LOXL3: variants seen among roughly 807,000 people sequenced by gnomAD.
The protein encoded by LOXL3 is lysyl oxidase homolog 3.
A neutral mutation model predicts 91.8 loss-of-function variants in LOXL3; 60 were observed. That is an observed-to-expected ratio of 0.65 (90% CI 0.53 to 0.81). The LOEUF is 0.81. Among genes scored for constraint, LOXL3 ranks in the 30% least tolerant of loss-of-function variants. LOXL3 has a pLI of 0.00. For missense variants in LOXL3, 874 were observed against 1,000.4 expected (o/e 0.87, Z 1.70); for synonymous variants, 355 against 387.6 (o/e 0.92, Z 0.99).
upstream of LOXL3, chr2:74,554,788 T>C (rs2104464722): frequency 1.9e-6 from 3 of 1,614,060 alleles, no homozygotes; most frequent in Non-Finnish European, 2.5e-6. This position sits in a 1 kb window ranked among gnomAD's most constrained non-coding sequence, Gnocchi z 4.9. Context: ...GCCGCTTTTT[T>C]TGCAGAGTCA....
chr2:74,554,756 T>A, upstream of LOXL3: 11 of 1,613,492 alleles, frequency 6.8e-6, no homozygotes, highest in Non-Finnish European at 9.3e-6. The surrounding 1 kb of genome is among the most constrained non-coding windows in gnomAD (Gnocchi z 4.9). Flanking sequence ...CCGGGGGCCA[T>A]GGACGGAGCA....
At position 74,549,304 on chromosome 2, in the gene LOXL3, C is replaced by T. The variant is rs1676831723; in HGVS notation, c.692+65G>A. 6 of 1,487,338 alleles carry T rather than the reference C, an allele frequency of 4.0e-6. No individual in the cohort carries two copies. Among genetic ancestry groups the T allele is most frequent in the Non-Finnish European group, 5.4e-6 (6 of 1,113,846 alleles). The allele number at this position is 1,487,338 out of a possible 1,614,324, so 92.1% of individuals were successfully genotyped here. A position where few individuals can be genotyped will look rare whatever the true frequency, so the allele number is the denominator to read the frequency against. On this transcript the variant is annotated intron_variant, in intron 4 of 13. Transcript: ENST00000264094. This position sits in a 1 kb window ranked among gnomAD's most constrained non-coding sequence, Gnocchi z 5.3. ...GCCCCGGACCTGCTCAGATGTCTCC[C>T]AAGGCTATTCATCAGGGAGCACCCC... is the stretch of plus-strand genomic sequence containing the variant.
rs1676802025 is a variant in LOXL3, at chr2:74,549,026, C to G, written c.692+343G>C. 1 of 172,950 alleles carries G rather than the reference C, an allele frequency of 5.8e-6. No homozygotes were observed. The highest frequency in any genetic ancestry group is 1.5e-4 in the East Asian group (1 of 6,532). 10.7% of individuals were successfully genotyped at this position (172,950 alleles called of 1,614,324 possible). A position where few individuals can be genotyped will look rare whatever the true frequency, so the allele number is the denominator to read the frequency against. On this transcript the variant is annotated intron_variant, in intron 4 of 13. Transcript: ENST00000264094. The surrounding 1 kb of genome is among the most constrained non-coding windows in gnomAD (Gnocchi z 5.3). The stretch of plus-strand genomic sequence containing the variant: ...CCGCGTCCTTACTGAACTCGGAAAT[C>G]GCTGGCCGGCAGCGCCAGCGCTGGA...
At chr2:74,546,586 T>A (rs192036168) in intron 4 of LOXL3, among the ~76,000 whole-genome samples, 2 of 152,204 alleles carry the variant, frequency 1.3e-5, no homozygotes, top group Non-Finnish European at 2.9e-5. Flanking sequence ...TGATCCCTCT[T>A]CCTAGAAATG....
intron 13 of LOXL3, 51 bp from the exon 14 acceptor site, chr2:74,533,730 A>G: frequency 7.1e-6 from 11 of 1,559,304 alleles, no homozygotes; most frequent in South Asian, 2.2e-5. Context: ...AGGGAGGGAG[A>G]TAGATGCACT....
At position 74,533,456 on chromosome 2, in the gene LOXL3, G is replaced by A. The variant is rs1675774604; in HGVS notation, c.*150C>T. The A allele has an allele frequency of 7.5e-6, 5 of 668,244 alleles. No individual in the cohort carries two copies. The highest frequency in any genetic ancestry group is 1.3e-5 in the Non-Finnish European group (5 of 388,582). The allele number at this position is 668,244 out of a possible 1,614,324, so 41.4% of individuals were successfully genotyped here. ...TGACAGCTGGCCTCTGAAGGAGGGTGAAAACTTCTGCTTGACAGTTCCACA... is the reference window on the plus strand; with the variant it reads ...TGACAGCTGGCCTCTGAAGGAGGGTAAAAACTTCTGCTTGACAGTTCCACA... On this transcript the variant is annotated 3_prime_UTR_variant, in exon 14 of 14. Transcript: ENST00000264094.
chr2:74,533,473 A>G lies in LOXL3; in HGVS notation c.*133T>C. ...AGGAGGGTGAAAACTTCTGCTTGACAGTTCCACATCCATAGTGCATGGTCT... is the reference window on the plus strand; with the variant it reads ...AGGAGGGTGAAAACTTCTGCTTGACGGTTCCACATCCATAGTGCATGGTCT... On this transcript the variant is annotated 3_prime_UTR_variant, in exon 14 of 14. Coordinates refer to ENST00000264094, the MANE Select transcript of LOXL3 (RefSeq NM_032603.5). 1.4e-6 allele frequency: 1 copy of G among 731,020 alleles called. No homozygotes were observed. The highest frequency in any genetic ancestry group is 2.3e-6 in the Non-Finnish European group (1 of 433,862). The allele number at this position is 731,020 out of a possible 1,614,324, so 45.3% of individuals were successfully genotyped here.
At chr2:74,554,645 TGCCGGCGGGG>T (rs1677266776), upstream of LOXL3, 1 of 1,075,658 alleles carries the variant, frequency 9.3e-7, no homozygotes, top group African/African-American at 1.6e-5. This position sits in a 1 kb window ranked among gnomAD's most constrained non-coding sequence, Gnocchi z 4.9. Context: ...CCCCAGCGGC[TGCCGGCGGGG>T]GCCGGGGAGG....
At chr2:74,543,707 A>G (rs1345613359) in intron 4 of LOXL3, among the ~76,000 whole-genome samples, 1 of 151,674 alleles carries the variant, frequency 6.6e-6, no homozygotes, top group Admixed American at 6.6e-5. Flanking sequence ...CCTGGGCAAC[A>G]TGGAGAAACC....
Position 74,536,597 on chromosome 2 carries a change from C to T in LOXL3, c.912+112G>A. 3 of 1,452,614 alleles carry T rather than the reference C, an allele frequency of 2.1e-6. No homozygotes were observed. Among genetic ancestry groups the T allele is most frequent in the South Asian group, 2.5e-5 (2 of 79,036 alleles). The allele number at this position is 1,452,614 out of a possible 1,614,324, so 90.0% of individuals were successfully genotyped here. On this transcript the variant is annotated intron_variant, in intron 5 of 13. Coordinates refer to ENST00000264094, the MANE Select transcript of LOXL3 (RefSeq NM_032603.5). This position sits in a 1 kb window ranked among gnomAD's most constrained non-coding sequence, Gnocchi z 4.5. Reference sequence around the variant, plus strand: ...GTGGTATCAGGTCTGTGGCCCACCCCCTGGAAGGCTCCTCTCTGTCCTCAA... The same window carrying T: ...GTGGTATCAGGTCTGTGGCCCACCCTCTGGAAGGCTCCTCTCTGTCCTCAA...
chr2:74,534,868 TG>T, intron 9 of LOXL3, 94 bp from the exon 10 acceptor site: 1 of 1,358,194 alleles, frequency 7.4e-7, no homozygotes, highest in South Asian at 1.4e-5. Flanking sequence ...ACTAGTTTTT[TG>T]TTTTTGTTTT....
At chr2:74,551,105 G>A (rs149028959) in intron 2 of LOXL3, among the ~76,000 whole-genome samples, 1,883 of 152,226 alleles carry the variant, frequency 0.012, 99 homozygotes, top group Admixed American at 0.087. Flanking sequence ...GCTAATTTTT[G>A]TATTTGTAGT....
chr2:74,549,382 C>T lies in LOXL3; in HGVS notation c.679G>A (p.Ala227Thr), dbSNP rs771222328. ...LGFPSEKRVN[A>T]AFYRLLAQRQ... ...GCGGCCCCTCACCTGTAGAAGGCCGCGTTGACCCTCTTTTCGCTGGGGAAG... is the reference window on the plus strand; with the variant it reads ...GCGGCCCCTCACCTGTAGAAGGCCGTGTTGACCCTCTTTTCGCTGGGGAAG... Residue 227 changes from alanine (A) to threonine (T), a missense_variant, in exon 4 of 14, where the codon GCG becomes ACG. Coordinates refer to ENST00000264094, the MANE Select transcript of LOXL3 (RefSeq NM_032603.5). This position sits in a 1 kb window ranked among gnomAD's most constrained non-coding sequence, Gnocchi z 5.3. 3 of 1,607,114 alleles carry T rather than the reference C, an allele frequency of 1.9e-6. No individual in the cohort carries two copies. The highest frequency in any genetic ancestry group is 1.7e-6 in the Non-Finnish European group (2 of 1,176,762).
Position 74,535,813 on chromosome 2 carries a change from C to G in LOXL3, c.1249-58G>C, listed in dbSNP as rs779519172. On this transcript the variant is annotated intron_variant, in intron 7 of 13. Transcript: ENST00000264094. This position sits in a 1 kb window ranked among gnomAD's most constrained non-coding sequence, Gnocchi z 4.2. Reference sequence around the variant, plus strand: ...AGCTTTGGGGTGAGGTAGTGGGAGTCTCTAACAGATGTGGCTGAAGCGTGA... The same window carrying G: ...AGCTTTGGGGTGAGGTAGTGGGAGTGTCTAACAGATGTGGCTGAAGCGTGA... 1,072 of 1,516,210 alleles carry G rather than the reference C, an allele frequency of 7.1e-4. No individual in the cohort carries two copies. The highest frequency in any genetic ancestry group is 8.9e-4 in the Non-Finnish European group (1,008 of 1,136,606). The allele number at this position is 1,516,210 out of a possible 1,614,324, so 93.9% of individuals were successfully genotyped here.
intron 11 of LOXL3, 36 bp downstream of exon 11, chr2:74,534,279 AT>A: frequency 6.2e-7 from 1 of 1,614,166 alleles, no homozygotes; most frequent in Non-Finnish European, 8.5e-7. Flanking sequence ...AGGCTGTGCA[AT>A]GGATACCATG....
upstream of LOXL3, chr2:74,554,901 G>A (rs914660353): frequency 2.5e-6 from 4 of 1,578,636 alleles, no homozygotes; most frequent in South Asian, 1.1e-5. This position sits in a 1 kb window ranked among gnomAD's most constrained non-coding sequence, Gnocchi z 4.9. Flanking sequence ...CAGCGGGCTG[G>A]AGAGCGGCGC....
In LOXL3 at chr2:74,550,291, C is replaced by T; in HGVS notation, c.371G>A (p.Cys124Tyr). Residue 124 changes from cysteine to tyrosine, a missense_variant, in exon 3 of 14, where the codon TGT becomes TAT. By Grantham distance (194) the Cys-to-Tyr change is radical (BLOSUM62 -2). Transcript: ENST00000264094. ...CSGTEQSVTE[C>Y]ASRGWGNSDC... is the part of the protein sequence containing the mutation. ...ACTGTTCCCCCAGCCCCGGGAGGCA[C>T]ATTCAGTCACACTCTGCTCGGTCCC... 6.2e-7 allele frequency: 1 copy of T among 1,614,184 alleles called. No homozygotes were observed. Among genetic ancestry groups the T allele is most frequent in the Non-Finnish European group, 8.5e-7 (1 of 1,180,042 alleles).
In LOXL3 at chr2:74,536,189, G is replaced by A. The variant is rs752592569; in HGVS notation, c.1094-39C>T. The A allele has an allele frequency of 6.2e-7, 1 of 1,612,188 alleles. No individual in the cohort carries two copies. The highest frequency in any genetic ancestry group is 2.2e-5 in the East Asian group (1 of 44,876). ...GCAAAGATCAGGAAGTTGTAATTAAGCATATATTGTCTGCCCAGGGGACAC... is the reference window on the plus strand; with the variant it reads ...GCAAAGATCAGGAAGTTGTAATTAAACATATATTGTCTGCCCAGGGGACAC... On this transcript the variant is annotated intron_variant, in intron 6 of 13. Coordinates refer to ENST00000264094, the MANE Select transcript of LOXL3 (RefSeq NM_032603.5). The surrounding 1 kb of genome is among the most constrained non-coding windows in gnomAD (Gnocchi z 4.5).
intron 4 of LOXL3, among the ~76,000 whole-genome samples, chr2:74,537,678 T>A (rs1353067707): frequency 6.6e-6 from 1 of 152,252 alleles, no homozygotes; most frequent in African/African-American, 2.4e-5. Context: ...TCCATGCTTC[T>A]GCAATTTCAA....
Sources: allele counts gnomAD v4.1 joint callset (sites outside exome capture counted in the v4.1 genomes callset), GRCh38; gene constraint gnomAD v4.1.1; non-coding constraint Gnocchi (gnomAD v3.1); transcripts MANE v1.5; gene names NCBI Gene and HGNC (gene_info 2026-07-23, HGNC 2026-07-21).